Variants in PTPRT observed in about 807,000 individuals in gnomAD.
PTPRT encodes the protein receptor-type tyrosine-protein phosphatase T.
A neutral mutation model predicts 176.8 loss-of-function variants in PTPRT; 56 were observed. The ratio of observed to expected loss-of-function variants is 0.32; its 90% CI spans 0.26 to 0.40. The LOEUF is 0.40. Among genes scored for constraint, PTPRT ranks in the 10% least tolerant of loss-of-function variants. PTPRT has a pLI of 1.00. For synonymous variants in PTPRT, 783 were observed against 739.0 expected, an observed-to-expected ratio of 1.06 and a Z score of -0.96; for missense variants, 1,540 against 1,908.2, an observed-to-expected ratio of 0.81 and a Z score of 3.60.
intron 1 of PTPRT, among the ~76,000 whole-genome samples, chr20:42,938,567 G>T (rs1980349281): frequency 6.6e-6 from 1 of 152,106 alleles, no homozygotes; most frequent in Admixed American, 6.5e-5. Flanking sequence ...TTAAGTTCCT[G>T]CCTCTCTGCA....
At chr20:42,613,990 G>C (rs1223329437) in intron 7 of PTPRT, among the ~76,000 whole-genome samples, 3 of 116,554 alleles carry the variant, frequency 2.6e-5, no homozygotes, top group African/African-American at 3.3e-5. Flanking sequence ...TAGACTGGGT[G>C]GGGGGTGGGG....
chr20:42,115,596 A>G (rs1358134273), intron 21 of PTPRT, among the ~76,000 whole-genome samples: 1 of 152,232 alleles, frequency 6.6e-6, no homozygotes, highest in Non-Finnish European at 1.5e-5. Flanking sequence ...ACACTATGTC[A>G]TCAAATAGAA....
intron 8 of PTPRT, among the ~76,000 whole-genome samples, chr20:42,460,698 T>C (rs570386718): frequency 2.8e-4 from 42 of 152,202 alleles, no homozygotes; most frequent in Non-Finnish European, 5.6e-4. Context: ...TTATAAGTGT[T>C]TGGTAGTTTC....
At chr20:42,301,497 A>G (rs896867920) in intron 12 of PTPRT, among the ~76,000 whole-genome samples, 15 of 152,340 alleles carry the variant, frequency 9.8e-5, no homozygotes, top group African/African-American at 3.6e-4. Flanking sequence ...ACTAAAAAGT[A>G]TATGACTGAG....
intron 8 of PTPRT, among the ~76,000 whole-genome samples, chr20:42,452,992 A>G (rs2070858106): frequency 6.6e-6 from 1 of 152,144 alleles, no homozygotes; most frequent in South Asian, 2.1e-4. Flanking sequence ...AAATTATTTT[A>G]TATTCTAGTG....
At position 42,974,889 on chromosome 20, in the gene PTPRT, C is replaced by A. The variant is rs6124512; in HGVS notation, c.89-88957G>T. 4.9e-4 allele frequency among the ~76,000 whole-genome samples: 74 copies of A among 152,282 alleles called. No homozygotes were observed. The East Asian group carries it at 0.014, about 29-fold the overall frequency. The stretch of plus-strand genomic sequence containing the variant: ...CGTTCCAAATCAGAAATGTACCAGT[C>A]ACTTCACTTTTTGAGTATGATTTCT... On this transcript the variant is annotated intron_variant, in intron 1 of 30. Transcript: ENST00000373187.
chr20:42,112,029 G>C (rs1442654938), intron 22 of PTPRT, among the ~76,000 whole-genome samples: 1 of 152,138 alleles, frequency 6.6e-6, no homozygotes, highest in Non-Finnish European at 1.5e-5. Context: ...GAATAGATGA[G>C]AGCTGGATCC....
At chr20:42,559,133 C>T (rs535463622) in intron 7 of PTPRT, among the ~76,000 whole-genome samples, 2 of 152,248 alleles carry the variant, frequency 1.3e-5, no homozygotes, top group Middle Eastern at 3.4e-3. Flanking sequence ...TGGAATAGAA[C>T]ATTGTAGAGG....
At chr20:42,943,445 G>A (rs1980690297) in intron 1 of PTPRT, among the ~76,000 whole-genome samples, 1 of 152,172 alleles carries the variant, frequency 6.6e-6, no homozygotes, top group African/African-American at 2.4e-5. Context: ...GACCTAATGA[G>A]AAGAGCTGTC....
At chr20:42,467,174 A>G (rs1395860118) in intron 8 of PTPRT, among the ~76,000 whole-genome samples, 1 of 152,202 alleles carries the variant, frequency 6.6e-6, no homozygotes, top group Non-Finnish European at 1.5e-5. Context: ...GTAAGCACCA[A>G]CGTAATAACT....
intron 1 of PTPRT, among the ~76,000 whole-genome samples, chr20:42,991,850 A>G (rs1253630224): frequency 6.6e-6 from 1 of 152,226 alleles, no homozygotes; most frequent in African/African-American, 2.4e-5. Context: ...CTGGGTGGAA[A>G]GTCCCACGGG....
At chr20:42,266,661 C>T (rs1449235607) in intron 13 of PTPRT, among the ~76,000 whole-genome samples, 2 of 152,170 alleles carry the variant, frequency 1.3e-5, no homozygotes, top group African/African-American at 4.8e-5. Context: ...CCAGCTGTGA[C>T]AACCAAATAC....
chr20:42,100,302 T>G (rs1985806361), intron 26 of PTPRT, among the ~76,000 whole-genome samples: 1 of 152,242 alleles, frequency 6.6e-6, no homozygotes. Context: ...GGCAATCCAT[T>G]TCATGGATAA....
At chr20:43,043,265 G>C (rs983687222) in intron 1 of PTPRT, among the ~76,000 whole-genome samples, 1 of 152,082 alleles carries the variant, frequency 6.6e-6, no homozygotes, top group Non-Finnish European at 1.5e-5. Context: ...GAGGCATTGG[G>C]AACATCCTTT....
intron 1 of PTPRT, among the ~76,000 whole-genome samples, chr20:42,967,275 T>G (rs947769312): frequency 2.6e-5 from 4 of 152,210 alleles, no homozygotes; most frequent in African/African-American, 9.6e-5. Context: ...TCTTAGCAGA[T>G]GTAATTAATT....
At chr20:42,536,885 C>T (rs1036357184) in intron 7 of PTPRT, among the ~76,000 whole-genome samples, 1 of 152,132 alleles carries the variant, frequency 6.6e-6, no homozygotes. Context: ...ATATCTAAAG[C>T]ACTACTTCTA....
At chr20:42,529,262 A>C (rs566502806) in intron 7 of PTPRT, among the ~76,000 whole-genome samples, 2 of 152,300 alleles carry the variant, frequency 1.3e-5, no homozygotes, top group South Asian at 4.1e-4. Context: ...CGCTTGGTAA[A>C]GGTAATAAAA....
At chr20:42,679,715 AT>A (rs11344776) in intron 6 of PTPRT, among the ~76,000 whole-genome samples, 53,747 of 150,918 alleles carry the variant, frequency 0.36, 9,710 homozygotes, top group Admixed American at 0.38. Context: ...TATTGTAAGG[AT>A]TTTTTTTTTC....
chr20:43,174,851 G>A (rs1225541697), intron 1 of PTPRT, among the ~76,000 whole-genome samples: 1 of 152,060 alleles, frequency 6.6e-6, no homozygotes, highest in Non-Finnish European at 1.5e-5. Context: ...CTGATCCATT[G>A]GGAAAATATA....
Sources: gnomAD v4.1 joint callset for allele counts (sites outside exome capture counted in the v4.1 genomes callset) on GRCh38, gnomAD v4.1.1 for gene constraint, MANE v1.5 for transcripts, NCBI Gene and HGNC (gene_info 2026-07-23, HGNC 2026-07-21) for gene names.